The following HAS2 variants were observed in gnomAD, a reference collection of about 807,000 sequenced individuals.
The protein encoded by HAS2 is hyaluronan synthase 2.
In HAS2, 16 loss-of-function variants were observed where a neutral mutation model predicts 51.6. That is an observed-to-expected ratio of 0.31 (90% confidence interval 0.21 to 0.47). HAS2 has a LOEUF of 0.47. Among genes scored for constraint, HAS2 ranks in the 20% least tolerant of loss-of-function variants. The probability of loss-of-function intolerance (pLI) is 1.00; values close to 1 mark genes in which losing one functional copy is unlikely to be tolerated. For missense variants in HAS2, 361 were observed against 662.6 expected (o/e 0.54, Z 5.00); for synonymous variants, 228 against 235.5 (o/e 0.97, Z 0.29).
At chr8:121,632,166 A>C (rs1052545877) in intron 1 of HAS2, among the ~76,000 whole-genome samples, 2 of 152,218 alleles carry the variant, frequency 1.3e-5, no homozygotes, top group African/African-American at 4.8e-5. Flanking sequence ...ACAGACCAAA[A>C]GGCAAAAGGC....
rs990002044 is a variant in HAS2, at chr8:121,629,009, T to C, written c.332A>G (p.Tyr111Cys). Residue 111 changes from tyrosine (Y) to cysteine (C), a missense_variant, in exon 2 of 4, where the codon TAC (tyrosine) becomes TGC (cysteine). Physicochemically the swap from Tyr to Cys is radical, Grantham distance 194 (BLOSUM62 -2). Coordinates refer to ENST00000303924, the MANE Select transcript of HAS2 (RefSeq NM_005328.3). ...KCLQSVKRLT[Y>C]PGIKVVMVID... ...GACCATGACAACTTTAATCCCAGGGTAGGTTAGCCTTTTCACAGATTGCAA... is the reference window on the plus strand; with the variant it reads ...GACCATGACAACTTTAATCCCAGGGCAGGTTAGCCTTTTCACAGATTGCAA... 6.2e-7 allele frequency: 1 copy of C among 1,614,016 alleles called. No individual in the cohort carries two copies. Among genetic ancestry groups the C allele is most frequent in the Non-Finnish European group, 8.5e-7 (1 of 1,179,982 alleles).
intron 2 of HAS2, among the ~76,000 whole-genome samples, chr8:121,623,108 T>C (rs1003367836): frequency 6.6e-6 from 1 of 152,100 alleles, no homozygotes; most frequent in African/African-American, 2.4e-5. Flanking sequence ...CCTGTGCAGT[T>C]TGGTACTTCT....
chr8:121,616,951 G>C (rs1812711968), intron 3 of HAS2, among the ~76,000 whole-genome samples, 154 bp downstream of exon 3: 1 of 152,186 alleles, frequency 6.6e-6, no homozygotes, highest in African/African-American at 2.4e-5. Flanking sequence ...CAGTGAAGCA[G>C]ATCCAAGGCA....
intron 1 of HAS2, among the ~76,000 whole-genome samples, chr8:121,632,822 GTTTCT>G (rs1484042741): frequency 6.6e-6 from 1 of 152,010 alleles, no homozygotes; most frequent in African/African-American, 2.4e-5. Flanking sequence ...AGTGGGGCAA[GTTTCT>G]TTTTTTAAGC....
chr8:121,629,454 A>G, intron 1 of HAS2, 114 bp from the exon 2 acceptor site: 1 of 827,906 alleles, frequency 1.2e-6, no homozygotes, highest in South Asian at 1.8e-5. Context: ...TTTAACACTC[A>G]ATTTCTCGCC....
rs1469366618 is a variant in HAS2, at chr8:121,614,530, A to G, written c.1238T>C (p.Val413Ala). The change falls in exon 4 of 4, where the codon GTC (valine) becomes GCC (alanine). Residue 413 changes from valine to alanine, a missense_variant. Transcript: ENST00000303924. The surrounding 1 kb of genome is among the most constrained non-coding windows in gnomAD (Gnocchi z 7.2). ...TGATTTTATGAGACCTACTAGCTGG[A>G]CAGTTAACAAGAAGAGGAGAATGTT... ...IWNILLFLLT[V>A]QLVGLIKSSF... The G allele has an allele frequency of 6.2e-7, 1 of 1,614,068 alleles. No homozygotes were observed. The highest frequency in any genetic ancestry group is 8.5e-7 in the Non-Finnish European group (1 of 1,180,006).
At position 121,617,175 on chromosome 8, in the gene HAS2, G is replaced by A; in HGVS notation, c.659C>T (p.Ala220Val). The A allele has an allele frequency of 1.9e-6, 3 of 1,611,652 alleles. No individual in the cohort carries two copies. Among genetic ancestry groups the A allele is most frequent in the Non-Finnish European group, 2.5e-6 (3 of 1,177,848 alleles). The change falls in exon 3 of 4, where the codon GCC (alanine) becomes GTC (valine). Residue 220 changes from alanine to valine, a missense_variant. Around this residue, in one of 5 missense-constraint regions of HAS2, gnomAD observed 49 missense variants for 108.3 expected, o/e 0.45. Transcript: ENST00000303924. ...AACTTTTACCATCTCCACAGATGAG[G>A]CTGGGTCAAGCATAGTGTCTGAATC... is the stretch of plus-strand genomic sequence containing the variant. ...VCDSDTMLDP[A>V]SSVEMVKVLE... is the part of the protein sequence containing the mutation.
chr8:121,616,346 T>A (rs551732919), intron 3 of HAS2, among the ~76,000 whole-genome samples: 97 of 152,282 alleles, frequency 6.4e-4, no homozygotes, highest in African/African-American at 2.2e-3. Flanking sequence ...GATTTTTTTT[T>A]AAATCAACCA....
intron 1 of HAS2, among the ~76,000 whole-genome samples, chr8:121,629,570 A>G (rs991506500): frequency 1.3e-4 from 20 of 152,172 alleles, no homozygotes. Flanking sequence ...GTCAAATGAG[A>G]TGATGGTACA....
At chr8:121,629,786 T>G (rs1812905444) in intron 1 of HAS2, among the ~76,000 whole-genome samples, 1 of 152,126 alleles carries the variant, frequency 6.6e-6, no homozygotes, top group Non-Finnish European at 1.5e-5. Flanking sequence ...CACTGGAGAT[T>G]TTGCTAAATT....
chr8:121,624,940 A>G (rs1812822536), intron 2 of HAS2, among the ~76,000 whole-genome samples: 2 of 150,852 alleles, frequency 1.3e-5, no homozygotes, highest in South Asian at 4.2e-4. Context: ...CTAAAAATAC[A>G]AAAAAAAATT....
intron 1 of HAS2, among the ~76,000 whole-genome samples, chr8:121,639,099 T>G (rs1229481673): frequency 2.6e-5 from 4 of 152,232 alleles, no homozygotes; most frequent in Non-Finnish European, 5.9e-5. Context: ...GAATGTACAA[T>G]GAGCAGTGAA....
At chr8:121,629,404 G>A in intron 1 of HAS2, 64 bp from the exon 2 acceptor site, 7 of 1,248,336 alleles carry the variant, frequency 5.6e-6, no homozygotes, top group Non-Finnish European at 7.9e-6. Flanking sequence ...TATATACCTA[G>A]TATCATGGGG....
In HAS2 at chr8:121,614,237, C is replaced by G; in HGVS notation, c.1531G>C (p.Val511Leu). The G allele has an allele frequency of 6.2e-7, 1 of 1,614,088 alleles. No homozygotes were observed. Among genetic ancestry groups the G allele is most frequent in the Non-Finnish European group, 8.5e-7 (1 of 1,179,966 alleles). Residue 511 changes from valine (V) to leucine (L), a missense_variant, in exon 4 of 4, where the codon GTT becomes CTT. By Grantham distance (32) the Val-to-Leu change is conservative (BLOSUM62 1). This residue lies in a region of HAS2 where 61 missense variants were observed against 73.1 expected (regional missense o/e 0.84). Transcript: ENST00000303924. The surrounding 1 kb of genome is among the most constrained non-coding windows in gnomAD (Gnocchi z 7.2). ...TAGAGCAACGTTCCAACAATTAGAACTGTCTGTTTGGATTCTGAAAATGGC... is the reference window on the plus strand; with the variant it reads ...TAGAGCAACGTTCCAACAATTAGAAGTGTCTGTTTGGATTCTGAAAATGGC... ...KRPFSESKQT[V>L]LIVGTLLYAC...
In HAS2 at chr8:121,614,529, G is replaced by C. The variant is rs75735654; in HGVS notation, c.1239C>G (p.Val413=). The stretch of plus-strand genomic sequence containing the variant: ...ATGATTTTATGAGACCTACTAGCTG[G>C]ACAGTTAACAAGAAGAGGAGAATGT... ...IWNILLFLLT[V]QLVGLIKSSF... Residue 413 remains valine, a synonymous_variant, in exon 4 of 4, where the codon GTC becomes GTG. Transcript: ENST00000303924. The surrounding 1 kb of genome is among the most constrained non-coding windows in gnomAD (Gnocchi z 7.2). The C allele has an allele frequency of 0.011, 17,634 of 1,613,998 alleles. 118 individuals are homozygous for C. Among genetic ancestry groups the C allele is most frequent in the Non-Finnish European group, 0.013 (15,270 of 1,179,878 alleles).
rs761516386 is a variant in HAS2 at position 121,628,745 on chromosome 8, C to T, written c.596G>A (p.Arg199Lys). 24 of 1,614,062 alleles carry T rather than the reference C, an allele frequency of 1.5e-5. No individual in the cohort carries two copies. Among genetic ancestry groups the T allele is most frequent in the Non-Finnish European group, 2.0e-5 (24 of 1,179,954 alleles). ...GKREVMYTAF[R>K]ALGRSVDYVQ... is the part of the protein sequence containing the mutation. ...ATAATCCACACTTCGTCCCAGTGCT[C>T]TGAAGGCTGTGTACATGACTTCTCT... Residue 199 changes from arginine (R) to lysine (K), a missense_variant, in exon 2 of 4, where the codon AGA (arginine) becomes AAA (lysine). Coordinates refer to ENST00000303924, the MANE Select transcript of HAS2 (RefSeq NM_005328.3).
At chr8:121,619,330 T>C (rs1157404351) in intron 2 of HAS2, among the ~76,000 whole-genome samples, 1 of 152,212 alleles carries the variant, frequency 6.6e-6, no homozygotes, top group Non-Finnish European at 1.5e-5. Context: ...TTTAAATGCA[T>C]TATTGGAAAT....
At chr8:121,622,769 T>G (rs1812789994) in intron 2 of HAS2, among the ~76,000 whole-genome samples, 1 of 152,098 alleles carries the variant, frequency 6.6e-6, no homozygotes, top group Non-Finnish European at 1.5e-5. Context: ...TTATCAAGAT[T>G]GTATAACTTT....
Position 121,613,923 on chromosome 8 carries a change from G to T in HAS2, c.*186C>A. ...CATAGAAATAACAGGTTAAATCTGA[G>T]TTTCTTCTTGTTGATGTATTGTTTT... On this transcript the variant is annotated 3_prime_UTR_variant, in exon 4 of 4. Coordinates refer to ENST00000303924, the MANE Select transcript of HAS2 (RefSeq NM_005328.3). 1.3e-6 allele frequency: 1 copy of T among 791,590 alleles called. No individual in the cohort carries two copies. Among genetic ancestry groups the T allele is most frequent in the Non-Finnish European group, 2.0e-6 (1 of 502,326 alleles). The allele number at this position is 791,590 out of a possible 1,614,324, so 49.0% of individuals were successfully genotyped here.
Sources: allele counts gnomAD v4.1 joint callset (sites outside exome capture counted in the v4.1 genomes callset), GRCh38; gene constraint gnomAD v4.1.1; regional missense constraint gnomAD v4.1.1; non-coding constraint Gnocchi (gnomAD v3.1); transcripts MANE v1.5; gene names NCBI Gene and HGNC (gene_info 2026-07-23, HGNC 2026-07-21).